The following ITFG2 variants were observed in gnomAD, a reference collection of about 807,000 sequenced individuals.
ITFG2 encodes KICSTOR complex protein ITFG2.
In ITFG2, 36 loss-of-function variants were observed where a neutral mutation model predicts 54.4. That is an observed-to-expected ratio of 0.66 (90% CI 0.51 to 0.87). ITFG2 has a LOEUF of 0.87. Ranked by LOEUF, ITFG2 falls within the 40% of genes least tolerant of loss-of-function variation. The pLI is 0.00. For synonymous variants in ITFG2, 211 were observed against 225.4 expected (o/e 0.94, Z 0.57); for missense variants, 524 against 576.7 (o/e 0.91, Z 0.94).
rs769749986 is a variant in ITFG2, at chr12:2,858,761, G to A, written n.620+430G>A. 14 of 1,614,218 alleles carry A rather than the reference G, an allele frequency of 8.7e-6. No individual in the cohort carries two copies. The East Asian group carries it at 2.5e-4, about 28-fold the overall frequency. ...TGAGGCTGTCATTCATTGTGTCCAG[G>A]ACCAGGCCTTCTGTCAGAGAACGAT... On this transcript the variant is annotated intron_variant and non_coding_transcript_variant, in intron 3 of 3. Coordinates refer to the ITFG2 transcript ENST00000537710.
At position 2,824,347 on chromosome 12, in the gene ITFG2, T is replaced by A; in HGVS notation, c.*154T>A. The A allele has an allele frequency of 2.5e-6, 2 of 794,708 alleles. No individual in the cohort carries two copies. Among genetic ancestry groups the A allele is most frequent in the Non-Finnish European group, 4.3e-6 (2 of 468,312 alleles). 49.2% of individuals were successfully genotyped at this position (794,708 alleles called of 1,614,324 possible). On this transcript the variant is annotated 3_prime_UTR_variant, in exon 12 of 12. Transcript: ENST00000228799. ...GATGGCAGCAGCCCTAGGGTGACCG[T>A]GAACTATAGACCTCGCAGTCTTTTC...
At chr12:2,819,942 C>T in intron 4 of ITFG2, 144 bp from the exon 5 acceptor site, 3 of 1,022,156 alleles carry the variant, frequency 2.9e-6, no homozygotes, top group African/African-American at 1.6e-5. Flanking sequence ...CAAACACAGG[C>T]AGGGGCGGGG....
intron 2 of ITFG2, chr12:2,854,792 A>G: frequency 8.2e-7 from 1 of 1,214,826 alleles, no homozygotes; most frequent in Non-Finnish European, 1.1e-6. Context: ...AGATGGCCAG[A>G]GCGGGGAAGG....
downstream of ITFG2, chr12:2,827,520 C>G (rs2097974429): frequency 3.8e-6 from 6 of 1,578,756 alleles, no homozygotes; most frequent in East Asian, 1.3e-4. This position sits in a 1 kb window ranked among gnomAD's most constrained non-coding sequence, Gnocchi z 4.0. Flanking sequence ...GGGACAGTTG[C>G]CCATCTCTAA....
At chr12:2,827,772 C>G, downstream of ITFG2, 1 of 1,608,392 alleles carries the variant, frequency 6.2e-7, no homozygotes, top group Non-Finnish European at 8.5e-7. The surrounding 1 kb of genome is among the most constrained non-coding windows in gnomAD (Gnocchi z 4.0). Flanking sequence ...CCCACCCCAT[C>G]CCCAGATCCG....
intron 1 of ITFG2, among the ~76,000 whole-genome samples, chr12:2,838,080 A>G (rs2098032859): frequency 6.6e-6 from 1 of 152,086 alleles, no homozygotes; most frequent in African/African-American, 2.4e-5. Context: ...GCTCCCTCCC[A>G]TGTCTTGACA....
At position 2,818,174 on chromosome 12, in the gene ITFG2, G is replaced by A; in HGVS notation, c.303G>A (p.Leu101=). ...HLFDLTPAKV[L]DASGHHETLI... ...TTGACCTGACACCTGCCAAGGTGTTGGATGCTTCTGGGCACCACGAGACAC... is the reference window on the plus strand; with the variant it reads ...TTGACCTGACACCTGCCAAGGTGTTAGATGCTTCTGGGCACCACGAGACAC... Residue 101 remains leucine, a synonymous_variant, in exon 4 of 12, where the codon TTG becomes TTA. Coordinates refer to ENST00000228799, the MANE Select transcript of ITFG2 (RefSeq NM_018463.4). The A allele has an allele frequency of 1.2e-6, 2 of 1,614,152 alleles. No homozygotes were observed. The highest frequency in any genetic ancestry group is 1.7e-6 in the Non-Finnish European group (2 of 1,180,042).
upstream of ITFG2, among the ~76,000 whole-genome samples, chr12:2,834,036 T>C (rs2098016128): frequency 6.6e-6 from 1 of 152,102 alleles, no homozygotes; most frequent in Non-Finnish European, 1.5e-5. Context: ...CCCTGCCCCA[T>C]TCCTCTGAGG....
At chr12:2,819,040 G>A (rs1312048528) in intron 4 of ITFG2, among the ~76,000 whole-genome samples, 4 of 151,590 alleles carry the variant, frequency 2.6e-5, no homozygotes, top group East Asian at 2.0e-4. Flanking sequence ...AAGTGCAGCC[G>A]ACCACGGTGG....
At chr12:2,837,696 G>T (rs1021282481) in intron 1 of ITFG2, among the ~76,000 whole-genome samples, 7 of 152,134 alleles carry the variant, frequency 4.6e-5, no homozygotes, top group East Asian at 1.9e-4. Flanking sequence ...AGGTGTGGTG[G>T]CATGTACCTA....
At chr12:2,835,060 T>C (rs1282324057), upstream of ITFG2, 1 of 1,446,518 alleles carries the variant, frequency 6.9e-7, no homozygotes, top group African/African-American at 1.4e-5. Flanking sequence ...AAAAACCCAG[T>C]CCTAGAAGAG....
At chr12:2,853,019 A>AAC (rs1565450590) in intron 2 of ITFG2, among the ~76,000 whole-genome samples, 49 of 142,830 alleles carry the variant, frequency 3.4e-4, no homozygotes, top group African/African-American at 1.2e-3. Flanking sequence ...GAAACAACAA[A>AAC]AAAAAACGGG....
chr12:2,821,566 T>C lies in ITFG2; in HGVS notation c.817T>C (p.Ser273Pro), dbSNP rs760490085. The C allele has an allele frequency of 6.2e-7, 1 of 1,614,214 alleles. No homozygotes were observed. The highest frequency in any genetic ancestry group is 2.2e-5 in the East Asian group (1 of 44,876). Residue 273 changes from serine to proline, a missense_variant, in exon 8 of 12, where the codon TCT (serine) becomes CCT (proline). By Grantham distance (74) the Ser-to-Pro change is moderately conservative. Transcript: ENST00000228799. Reference sequence around the variant, plus strand: ...AGGCCACGGCACTGAGAGTAGTGGCTCTGGCCTCTTTGCCCTGTGCACCCT... The same window carrying C: ...AGGCCACGGCACTGAGAGTAGTGGCCCTGGCCTCTTTGCCCTGTGCACCCT... ...KQGHGTESSG[S>P]GLFALCTLDG...
rs1482302638 is a variant in ITFG2, at chr12:2,812,846, A to G, written c.86A>G (p.Asp29Gly). The change falls in exon 1 of 12, where the codon GAT (aspartate) becomes GGT (glycine). Residue 29 changes from aspartate (D) to glycine (G), a missense_variant. By Grantham distance (94) the Asp-to-Gly change is moderately conservative (BLOSUM62 -1). Transcript: ENST00000228799. ...FPHAICLGDVDNDTLNELVVG... is the reference protein window; with the variant it reads ...FPHAICLGDVGNDTLNELVVG... ...CACGCAATCTGCCTCGGAGACGTTG[A>G]TAACGATACGGTAGGTGCATGCGCA... 6.2e-7 allele frequency: 1 copy of G among 1,611,758 alleles called. No individual in the cohort carries two copies. Among genetic ancestry groups the G allele is most frequent in the Non-Finnish European group, 8.5e-7 (1 of 1,178,630 alleles).
At chr12:2,848,228 G>T (rs2098058690) in intron 2 of ITFG2, among the ~76,000 whole-genome samples, 1 of 152,180 alleles carries the variant, frequency 6.6e-6, no homozygotes, top group South Asian at 2.1e-4. Flanking sequence ...GCCAAGAGAA[G>T]CCCAGCAGGT....
At chr12:2,840,037 G>A (rs965973657) in intron 1 of ITFG2, among the ~76,000 whole-genome samples, 1 of 150,150 alleles carries the variant, frequency 6.7e-6, no homozygotes, top group Non-Finnish European at 1.5e-5. Context: ...ATCAAGAGAA[G>A]CCCAGACCTG....
At chr12:2,814,391 T>C (rs990599611) in intron 1 of ITFG2, among the ~76,000 whole-genome samples, 4 of 152,256 alleles carry the variant, frequency 2.6e-5, no homozygotes, top group Non-Finnish European at 4.4e-5. Context: ...CTGAAAGAAT[T>C]ACACTATTAC....
upstream of ITFG2, among the ~76,000 whole-genome samples, chr12:2,831,875 G>A (rs1019607522): frequency 1.3e-5 from 2 of 152,124 alleles, no homozygotes; most frequent in Non-Finnish European, 2.9e-5. Context: ...GGGACCAAAA[G>A]CATATGCCAC....
rs553276159 is a variant in ITFG2, at chr12:2,849,407, G to A, written n.300+8412G>A. ...AAGGCCAGCTTTAGCACCTTCTCCTGGTAGTGAGGCAGAGGGTTTGGGCAG... is the reference window on the plus strand; with the variant it reads ...AAGGCCAGCTTTAGCACCTTCTCCTAGTAGTGAGGCAGAGGGTTTGGGCAG... On this transcript the variant is annotated intron_variant and non_coding_transcript_variant, in intron 2 of 3. Coordinates refer to the ITFG2 transcript ENST00000537710. The A allele has an allele frequency of 1.1e-3, 1,757 of 1,536,186 alleles. 1 individual carries two copies. The highest frequency in any genetic ancestry group is 1.5e-3 in the Non-Finnish European group (1,697 of 1,146,924).
Sources: allele counts gnomAD v4.1 joint callset (sites outside exome capture counted in the v4.1 genomes callset), GRCh38; gene constraint gnomAD v4.1.1; non-coding constraint Gnocchi (gnomAD v3.1); transcripts MANE v1.5; gene names NCBI Gene and HGNC (gene_info 2026-07-23, HGNC 2026-07-21).